IRS1: variants seen among roughly 807,000 people sequenced by gnomAD.
IRS1 encodes the protein insulin receptor substrate 1.
IRS1 carries 34 observed loss-of-function variants against 65.6 expected under a neutral mutation model. That is an observed-to-expected ratio of 0.52 (90% CI 0.39 to 0.69). The LOEUF is 0.69. IRS1 is among the 30% of genes least tolerant of loss of function. The probability of loss-of-function intolerance (pLI) is 0.00; values close to 1 mark genes in which losing one functional copy is unlikely to be tolerated. For missense variants in IRS1, 1,641 were observed against 1,720.2 expected (o/e 0.95, Z 0.81); for synonymous variants, 699 against 683.5 (o/e 1.02, Z -0.35).
rs932984664 is a variant in IRS1 at position 226,799,720 on chromosome 2, G to T, written c.-982C>A. 1 of 999,704 alleles carries T rather than the reference G, an allele frequency of 1.0e-6. No homozygotes were observed. The highest frequency in any genetic ancestry group is 6.1e-5 in the Admixed American group (1 of 16,288). The allele number at this position is 999,704 out of a possible 1,614,324, so 61.9% of individuals were successfully genotyped here. ...AGCCCCAACCAAAACAAGCGGCGGC[G>T]TCTGGCTCTGCGCGCCGGCCCCCTC... On this transcript the variant is annotated 5_prime_UTR_variant, in exon 1 of 2. Coordinates refer to ENST00000305123, the MANE Select transcript of IRS1 (RefSeq NM_005544.3). The surrounding 1 kb of genome is among the most constrained non-coding windows in gnomAD (Gnocchi z 6.1).
chr2:226,798,722 T>C lies in IRS1; in HGVS notation c.17A>G (p.Glu6Gly). 6.2e-7 allele frequency: 1 copy of C among 1,611,884 alleles called. No individual in the cohort carries two copies. Among genetic ancestry groups the C allele is most frequent in the South Asian group, 1.1e-5 (1 of 91,014 alleles). The change falls in exon 1 of 2, where the codon GAG (glutamate) becomes GGG (glycine). Residue 6 changes from glutamate (E) to glycine (G), a missense_variant. By Grantham distance (98) the Glu-to-Gly change is moderately conservative. Around this residue, in one of 3 missense-constraint regions of IRS1, gnomAD observed 240 missense variants for 229.6 expected, o/e 1.05. Transcript: ENST00000305123. This position sits in a 1 kb window ranked among gnomAD's most constrained non-coding sequence, Gnocchi z 9.4. ...GCGCACGTCCGAGAAGCCATCGCTC[T>C]CCGGAGGGCTCGCCATGCTGCCACC... MASPP[E>G]SDGFSDVRKV...
intron 1 of IRS1, among the ~76,000 whole-genome samples, chr2:226,766,140 TATATATA>T (rs1939033066): frequency 1.4e-3 from 6 of 4,244 alleles, no homozygotes; most frequent in African/African-American, 2.3e-3. Flanking sequence ...TATATATATA[TATATATA>T]TATATATATA....
chr2:226,795,120 G>A lies in IRS1; in HGVS notation c.3619C>T (p.Pro1207Ser), dbSNP rs1342210276. ...TCACCGCTGCCCAGGGGTTGATGAG[G>A]GGGTGGGGGTGGGGGAGGCTGCGGT... The part of the protein sequence containing the change: ...PEPQPPPPPP[P>S]HQPLGSGESS... The change falls in exon 1 of 2, where the codon CCT (proline) becomes TCT (serine). Residue 1207 changes from proline to serine, a missense_variant. Around this residue, in one of 3 missense-constraint regions of IRS1, gnomAD observed 1,324 missense variants for 1,361.0 expected, o/e 0.97. Transcript: ENST00000305123. 2.5e-6 allele frequency: 4 copies of A among 1,609,636 alleles called. No individual in the cohort carries two copies. Among genetic ancestry groups the A allele is most frequent in the Non-Finnish European group, 3.4e-6 (4 of 1,177,504 alleles).
At chr2:226,772,759 C>A (rs1939188668) in intron 1 of IRS1, among the ~76,000 whole-genome samples, 2 of 151,422 alleles carry the variant, frequency 1.3e-5, no homozygotes, top group African/African-American at 2.4e-5. Context: ...GAAAGCAGAA[C>A]TGAAACCTAA....
At chr2:226,766,163 A>ATATATAT (rs58592685) in intron 1 of IRS1, among the ~76,000 whole-genome samples, 3 of 4,598 alleles carry the variant, frequency 6.5e-4, no homozygotes, top group Admixed American at 6.6e-3. Context: ...ATATATATAT[A>ATATATAT]TTTTTTTTTT....
intron 1 of IRS1, among the ~76,000 whole-genome samples, chr2:226,741,809 A>ACACACG (rs1298363880): frequency 2.9e-4 from 43 of 149,252 alleles, no homozygotes; most frequent in African/African-American, 1.0e-3. Flanking sequence ...ACACACACAC[A>ACACACG]CACACACACA....
intron 1 of IRS1, among the ~76,000 whole-genome samples, chr2:226,749,506 A>G (rs1938629548): frequency 6.6e-6 from 1 of 152,144 alleles, no homozygotes; most frequent in Non-Finnish European, 1.5e-5. Flanking sequence ...AGTCCTTGCT[A>G]ATTTCCCACC....
chr2:226,774,555 G>C (rs1044211024), intron 1 of IRS1, among the ~76,000 whole-genome samples: 2 of 152,042 alleles, frequency 1.3e-5, no homozygotes, highest in African/African-American at 4.8e-5. Flanking sequence ...AAATATTCAA[G>C]GTTTGGGAAA....
chr2:226,749,603 G>A (rs746621997), intron 1 of IRS1, among the ~76,000 whole-genome samples: 22 of 152,148 alleles, frequency 1.4e-4, no homozygotes, highest in Non-Finnish European at 3.1e-4. Flanking sequence ...CCTTCTCCAT[G>A]GTGGCCTCCT....
chr2:226,783,306 T>C (rs1559155737), intron 1 of IRS1, among the ~76,000 whole-genome samples: 1 of 152,240 alleles, frequency 6.6e-6, no homozygotes, highest in Admixed American at 6.5e-5. Flanking sequence ...ACCTGAATAA[T>C]AGAAGTACAT....
intron 1 of IRS1, among the ~76,000 whole-genome samples, chr2:226,747,170 A>G (rs1185773749): frequency 6.6e-6 from 1 of 152,112 alleles, no homozygotes; most frequent in Non-Finnish European, 1.5e-5. Context: ...AAAGCACCCC[A>G]TGGACAGTTG....
At chr2:226,742,713 G>GGAAAAAAAAAAA (rs889878007) in intron 1 of IRS1, among the ~76,000 whole-genome samples, 39 of 124,592 alleles carry the variant, frequency 3.1e-4, no homozygotes, top group African/African-American at 1.0e-3. Context: ...CACGCATTAT[G>GGAAAAAAAAAAA]AAAAAAAAAA....
intron 1 of IRS1, among the ~76,000 whole-genome samples, chr2:226,738,731 GA>G (rs1308632888): frequency 6.6e-6 from 1 of 152,158 alleles, no homozygotes. Context: ...ATGCATATAG[GA>G]ATGTTCCCAC....
chr2:226,750,069 G>A (rs745734699), intron 1 of IRS1, among the ~76,000 whole-genome samples: 3 of 152,022 alleles, frequency 2.0e-5, no homozygotes, highest in Non-Finnish European at 4.4e-5. Context: ...GACCAACATG[G>A]TGAAATCTTG....
At chr2:226,778,140 C>A (rs532619689) in intron 1 of IRS1, among the ~76,000 whole-genome samples, 1 of 151,964 alleles carries the variant, frequency 6.6e-6, no homozygotes, top group African/African-American at 2.4e-5. Flanking sequence ...ATATGGTCAT[C>A]GTGTTTTATT....
At chr2:226,769,498 C>T (rs184042309) in intron 1 of IRS1, among the ~76,000 whole-genome samples, 124 of 152,320 alleles carry the variant, frequency 8.1e-4, no homozygotes, top group African/African-American at 2.8e-3. Flanking sequence ...AGAGCCATTT[C>T]GAGGCTGTCC....
chr2:226,793,018 GATT>G (rs1310381329), intron 1 of IRS1, among the ~76,000 whole-genome samples: 1 of 152,160 alleles, frequency 6.6e-6, no homozygotes, highest in Non-Finnish European at 1.5e-5. Context: ...TTAGAAATAG[GATT>G]ATATGATTAT....
chr2:226,774,100 G>A (rs969422314), intron 1 of IRS1, among the ~76,000 whole-genome samples: 4 of 152,052 alleles, frequency 2.6e-5, no homozygotes, highest in Non-Finnish European at 5.9e-5. Flanking sequence ...CCCACTGGAC[G>A]TCCGGAAAGC....
intron 1 of IRS1, among the ~76,000 whole-genome samples, chr2:226,775,750 T>C (rs901883185): frequency 2.0e-5 from 3 of 152,190 alleles, no homozygotes; most frequent in Non-Finnish European, 2.9e-5. Flanking sequence ...TCAAGTCCTT[T>C]GTATAAAATG....
Sources: gnomAD v4.1 joint callset for allele counts (sites outside exome capture counted in the v4.1 genomes callset) on GRCh38, gnomAD v4.1.1 for gene constraint, gnomAD v4.1.1 regional missense constraint, Gnocchi (gnomAD v3.1) non-coding constraint, MANE v1.5 for transcripts, NCBI Gene and HGNC (gene_info 2026-07-23, HGNC 2026-07-21) for gene names.